Variants in MARCHF1 observed in about 807,000 individuals in gnomAD.
The protein encoded by MARCHF1 is E3 ubiquitin-protein ligase MARCHF1.
In MARCHF1, 40 loss-of-function variants were observed where a neutral mutation model predicts 54.2. The observed-to-expected ratio is 0.74, with a 90% CI of 0.57 to 0.96. MARCHF1 has a LOEUF of 0.96. MARCHF1 is among the 40% of genes least tolerant of loss of function. MARCHF1 has a pLI of 0.00. For synonymous variants in MARCHF1, 236 were observed against 236.3 expected (o/e 1.00, Z 0.01); for missense variants, 586 against 656.5 (o/e 0.89, Z 1.17).
chr4:164,370,448 T>C (rs1221823920), intron 1 of MARCHF1, among the ~76,000 whole-genome samples: 2 of 152,216 alleles, frequency 1.3e-5, no homozygotes, highest in Non-Finnish European at 2.9e-5. Context: ...GAGGAATTAA[T>C]TCCCTTACCA....
intron 1 of MARCHF1, among the ~76,000 whole-genome samples, chr4:164,158,186 T>G (rs1344457609): frequency 6.6e-6 from 1 of 152,184 alleles, no homozygotes; most frequent in Non-Finnish European, 1.5e-5. Context: ...AATGTTTTAA[T>G]TAGCTAAAAA....
chr4:164,288,050 A>G (rs1448148317), intron 1 of MARCHF1, among the ~76,000 whole-genome samples: 4 of 152,124 alleles, frequency 2.6e-5, no homozygotes, highest in Non-Finnish European at 5.9e-5. Context: ...TTAAAAAGGA[A>G]ATGTTTTGTG....
At chr4:163,614,651 T>C (rs751832032) in intron 5 of MARCHF1, among the ~76,000 whole-genome samples, 8 of 152,114 alleles carry the variant, frequency 5.3e-5, no homozygotes, top group Non-Finnish European at 1.2e-4. Flanking sequence ...AGAGAAGGTA[T>C]AGTAGGCTAA....
chr4:164,122,850 C>T (rs1756099689), intron 1 of MARCHF1, among the ~76,000 whole-genome samples: 1 of 152,056 alleles, frequency 6.6e-6, no homozygotes, highest in African/African-American at 2.4e-5. Context: ...AAACTGAAAG[C>T]CTTTCCTCTA....
chr4:164,176,555 C>T (rs541171679), intron 1 of MARCHF1, among the ~76,000 whole-genome samples: 16 of 152,094 alleles, frequency 1.1e-4, no homozygotes, highest in South Asian at 4.2e-4. Context: ...GTGACAAAAA[C>T]GATACAGGAG....
At chr4:164,331,398 A>G (rs1735430383) in intron 1 of MARCHF1, among the ~76,000 whole-genome samples, 2 of 152,222 alleles carry the variant, frequency 1.3e-5, no homozygotes. Context: ...AAGACAGAAT[A>G]TTTTGAAGAG....
intron 2 of MARCHF1, among the ~76,000 whole-genome samples, chr4:164,068,351 G>C (rs1419961831): frequency 6.6e-6 from 1 of 152,162 alleles, no homozygotes; most frequent in African/African-American, 2.4e-5. Context: ...TTCTGGGCTG[G>C]CCAAGACCGG....
intron 3 of MARCHF1, among the ~76,000 whole-genome samples, chr4:163,898,501 C>T (rs1268123028): frequency 6.6e-6 from 1 of 152,074 alleles, no homozygotes; most frequent in Non-Finnish European, 1.5e-5. Flanking sequence ...TTATACCAGT[C>T]AGAATAGCCG....
intron 1 of MARCHF1, among the ~76,000 whole-genome samples, chr4:164,213,310 T>C (rs556527866): frequency 6.6e-6 from 1 of 151,616 alleles, no homozygotes; most frequent in South Asian, 2.1e-4. Flanking sequence ...CTCTGCTCAC[T>C]GAAAGCTCCG....
intron 3 of MARCHF1, among the ~76,000 whole-genome samples, chr4:163,912,743 G>A (rs559651873): frequency 3.3e-5 from 5 of 152,200 alleles, no homozygotes; most frequent in Non-Finnish European, 7.3e-5. Context: ...GGCTGCATAA[G>A]AGTGGCATTT....
At chr4:163,827,589 T>C (rs1748890087) in intron 4 of MARCHF1, among the ~76,000 whole-genome samples, 2 of 152,180 alleles carry the variant, frequency 1.3e-5, no homozygotes, top group African/African-American at 2.4e-5. Context: ...AGCACCCCTC[T>C]GTGTAGCTTA....
chr4:164,077,777 A>G (rs894194487), intron 2 of MARCHF1, among the ~76,000 whole-genome samples: 3 of 152,266 alleles, frequency 2.0e-5, no homozygotes, highest in Admixed American at 1.3e-4. Context: ...AACACATGAA[A>G]AAAAGCTCAT....
chr4:163,767,098 TAAAAAAA>T (rs530799338), intron 4 of MARCHF1, among the ~76,000 whole-genome samples: 1 of 106,702 alleles, frequency 9.4e-6, no homozygotes, highest in African/African-American at 3.5e-5. Context: ...TACGGCGATG[TAAAAAAA>T]AAAAAAAAAA....
At chr4:164,306,179 A>T (rs1403278285) in intron 1 of MARCHF1, among the ~76,000 whole-genome samples, 1 of 152,168 alleles carries the variant, frequency 6.6e-6, no homozygotes, top group Admixed American at 6.6e-5. Context: ...GAAACCTCTC[A>T]TTCTCAAGGA....
Position 163,700,862 on chromosome 4 carries a change from T to A in MARCHF1, c.113A>T (p.Asn38Ile). ...TGCAGATCGCCCTGGGGATTTTTCA[T>A]TCTGAAAAATAAAATGGGAAACATT... ...LADASQTSTL[N>I]EKSPGRSASR... Residue 38 changes from asparagine (N) to isoleucine (I), a missense_variant and splice_region_variant, in exon 5 of 10, where the codon AAT (asparagine) becomes ATT (isoleucine). Asn to Ile is a moderately radical substitution (Grantham distance 149). Transcript: ENST00000514618. The A allele has an allele frequency of 1.3e-6, 2 of 1,534,308 alleles. No homozygotes were observed. The highest frequency in any genetic ancestry group is 1.7e-6 in the Non-Finnish European group (2 of 1,144,468).
intron 5 of MARCHF1, among the ~76,000 whole-genome samples, chr4:163,675,739 C>T (rs1415700774): frequency 6.6e-6 from 1 of 152,066 alleles, no homozygotes; most frequent in Non-Finnish European, 1.5e-5. Context: ...ACATTTTCAC[C>T]AAACTGGCCT....
Position 163,990,576 on chromosome 4 carries a change from G to T in MARCHF1, c.-247-1867C>A, listed in dbSNP as rs554229243. ...ATTTGTGACATACAGGAGCTTTAAT[G>T]AAAGGACTAAAAAGCCAGCCTTTGC... is the stretch of plus-strand genomic sequence containing the variant. On this transcript the variant is annotated intron_variant, in intron 2 of 9. Coordinates refer to ENST00000514618, the MANE Select transcript of MARCHF1 (RefSeq NM_001394959.1). Among the ~76,000 whole-genome samples, 14 of 152,246 alleles carry T rather than the reference G, an allele frequency of 9.2e-5. No homozygotes were observed. The South Asian group carries it at 2.9e-3, about 32-fold the overall frequency.
At chr4:163,946,012 A>C (rs915038781) in intron 3 of MARCHF1, among the ~76,000 whole-genome samples, 11 of 151,746 alleles carry the variant, frequency 7.2e-5, no homozygotes, top group East Asian at 1.9e-4. Context: ...TAAAAAAAAA[A>C]CACTTAATTC....
intron 7 of MARCHF1, among the ~76,000 whole-genome samples, chr4:163,595,588 C>T (rs187800953): frequency 1.3e-5 from 2 of 152,208 alleles, no homozygotes; most frequent in Non-Finnish European, 2.9e-5. Flanking sequence ...CTGCCATTTG[C>T]TACAGGATTG....
Sources: allele counts gnomAD v4.1 joint callset (sites outside exome capture counted in the v4.1 genomes callset), GRCh38; gene constraint gnomAD v4.1.1; transcripts MANE v1.5; gene names NCBI Gene and HGNC (gene_info 2026-07-23, HGNC 2026-07-21).